The following DLG2 variants were observed in gnomAD, a reference collection of about 807,000 sequenced individuals.
The protein encoded by DLG2 is disks large homolog 2.
In DLG2, 45 loss-of-function variants were observed where a neutral mutation model predicts 132.5. The observed-to-expected ratio is 0.34, with a 90% confidence interval of 0.27 to 0.44. DLG2 has a LOEUF of 0.44. Ranked by LOEUF, DLG2 falls within the 20% of genes least tolerant of loss-of-function variation. The probability of loss-of-function intolerance (pLI) is 1.00; values close to 1 mark genes in which losing one functional copy is unlikely to be tolerated. For missense variants in DLG2, 1,045 were observed against 1,196.9 expected (o/e 0.87, Z 1.87); for synonymous variants, 424 against 419.6 (o/e 1.01, Z -0.13).
At chr11:84,912,135 C>T (rs1457886128) in intron 6 of DLG2, among the ~76,000 whole-genome samples, 1 of 149,168 alleles carries the variant, frequency 6.7e-6, no homozygotes, top group Non-Finnish European at 1.5e-5. Context: ...ATTTCCTTGG[C>T]TTTCACAATT....
intron 3 of DLG2, among the ~76,000 whole-genome samples, chr11:85,483,044 T>A (rs185266624): frequency 1.3e-5 from 2 of 152,158 alleles, no homozygotes; most frequent in East Asian, 3.8e-4. Flanking sequence ...AGCAGAAAAC[T>A]TTTCAAATTT....
At chr11:84,032,479 G>C (rs944508035) in intron 11 of DLG2, among the ~76,000 whole-genome samples, 2 of 152,202 alleles carry the variant, frequency 1.3e-5, no homozygotes, top group Non-Finnish European at 2.9e-5. Flanking sequence ...AAGAGGTGAG[G>C]AAACTGCAGA....
At chr11:85,613,422 C>G (rs1287032192) in intron 2 of DLG2, among the ~76,000 whole-genome samples, 1 of 152,146 alleles carries the variant, frequency 6.6e-6, no homozygotes, top group Non-Finnish European at 1.5e-5. Context: ...AGTCATCGGC[C>G]AAATTCCCGA....
At chr11:84,844,549 C>A (rs1327715177) in intron 6 of DLG2, among the ~76,000 whole-genome samples, 1 of 151,872 alleles carries the variant, frequency 6.6e-6, no homozygotes, top group Non-Finnish European at 1.5e-5. Flanking sequence ...TGTTTATCCC[C>A]ATCCTTCTCA....
At chr11:84,054,072 C>T (rs1450306697) in intron 11 of DLG2, among the ~76,000 whole-genome samples, 5 of 151,996 alleles carry the variant, frequency 3.3e-5, no homozygotes, top group Non-Finnish European at 5.9e-5. Context: ...AGCAAGACCA[C>T]CTTTGGATAT....
chr11:84,294,022 A>G (rs1315319310), intron 7 of DLG2, among the ~76,000 whole-genome samples: 3 of 152,206 alleles, frequency 2.0e-5, no homozygotes, highest in Non-Finnish European at 4.4e-5. Context: ...TAGCAGCCAT[A>G]TAACAGACTA....
At chr11:85,080,132 T>C (rs1264037467) in intron 6 of DLG2, among the ~76,000 whole-genome samples, 3 of 152,128 alleles carry the variant, frequency 2.0e-5, no homozygotes, top group African/African-American at 7.2e-5. Flanking sequence ...CAATCTCACA[T>C]GCCCACCTGT....
chr11:84,427,345 A>G (rs1302158714), intron 7 of DLG2, among the ~76,000 whole-genome samples: 3 of 152,192 alleles, frequency 2.0e-5, no homozygotes, highest in Admixed American at 6.6e-5. Context: ...TAAACCCATG[A>G]AAAGGTGGTT....
At chr11:83,760,357 T>C (rs2093845495) in intron 18 of DLG2, among the ~76,000 whole-genome samples, 1 of 152,218 alleles carries the variant, frequency 6.6e-6, no homozygotes, top group African/African-American at 2.4e-5. Context: ...ATCACTTAGC[T>C]GCATAGTGCA....
intron 4 of DLG2, among the ~76,000 whole-genome samples, chr11:85,274,692 TA>T (rs2077775033): frequency 6.6e-6 from 1 of 152,186 alleles, no homozygotes; most frequent in Non-Finnish European, 1.5e-5. Flanking sequence ...AGGTGGGTCA[TA>T]AAAACACAAC....
intron 6 of DLG2, among the ~76,000 whole-genome samples, chr11:84,629,896 AC>A (rs1192314398): frequency 6.6e-6 from 1 of 152,174 alleles, no homozygotes; most frequent in Non-Finnish European, 1.5e-5. Context: ...AAGTTCCTCT[AC>A]TTTTTTCTCA....
rs193193750 is a variant in DLG2 at position 84,771,285 on chromosome 11, T to C, written c.358-236554A>G. Among the ~76,000 whole-genome samples the C allele has an allele frequency of 2.0e-3, 312 of 152,300 alleles. 5 individuals carry two copies. The highest frequency in any genetic ancestry group is 9.7e-4 in the East Asian group (5 of 5,176). On this transcript the variant is annotated intron_variant, in intron 6 of 27. Transcript: ENST00000376104. ...TCTACAACCTTGCCAGCATCTGTTA[T>C]TTGTTGACTTTTTAATAATAGCCAT...
intron 18 of DLG2, among the ~76,000 whole-genome samples, chr11:83,727,840 G>C (rs538266670): frequency 6.6e-6 from 1 of 152,082 alleles, no homozygotes; most frequent in Non-Finnish European, 1.5e-5. Context: ...TATAAATTTA[G>C]TGAGATCAAA....
intron 7 of DLG2, among the ~76,000 whole-genome samples, chr11:84,385,214 T>C (rs1467757523): frequency 6.6e-6 from 1 of 152,014 alleles, no homozygotes; most frequent in Non-Finnish European, 1.5e-5. Context: ...TCTAAAGCAG[T>C]AAAATTTTTT....
At chr11:85,312,925 C>G (rs2080407550) in intron 3 of DLG2, among the ~76,000 whole-genome samples, 2 of 151,914 alleles carry the variant, frequency 1.3e-5, no homozygotes, top group African/African-American at 4.8e-5. Flanking sequence ...TTAAAACACT[C>G]TTTAGGAACT....
At chr11:83,686,797 A>G (rs1376943010) in intron 18 of DLG2, among the ~76,000 whole-genome samples, 1 of 152,178 alleles carries the variant, frequency 6.6e-6, no homozygotes, top group Non-Finnish European at 1.5e-5. Context: ...TGACTTTGAT[A>G]CAACAATTCC....
At chr11:83,944,144 GC>G (rs201971872) in intron 14 of DLG2, among the ~76,000 whole-genome samples, 2,274 of 152,188 alleles carry the variant, frequency 0.015, 60 homozygotes, top group African/African-American at 0.051. Flanking sequence ...ACAAAATAAA[GC>G]TAAAAATGAC....
At chr11:84,232,637 C>T (rs577352863) in intron 8 of DLG2, among the ~76,000 whole-genome samples, 1 of 152,282 alleles carries the variant, frequency 6.6e-6, no homozygotes, top group East Asian at 1.9e-4. Context: ...CTCTGCTCTT[C>T]TCTATGTGAG....
chr11:83,906,090 TATATATATATATATAC>T (rs755900120), intron 15 of DLG2, among the ~76,000 whole-genome samples: 6,606 of 84,530 alleles, frequency 0.078, 228 homozygotes, highest in African/African-American at 0.17. Context: ...TCTATATATA[TATATATATATATATAC>T]ATATATAGTT....
Sources: allele counts gnomAD v4.1 joint callset (sites outside exome capture counted in the v4.1 genomes callset), GRCh38; gene constraint gnomAD v4.1.1; transcripts MANE v1.5; gene names NCBI Gene and HGNC (gene_info 2026-07-23, HGNC 2026-07-21).